SCAPER: variants seen among roughly 807,000 people sequenced by gnomAD.
SCAPER encodes S-phase cyclin A associated protein in the ER, also known as S phase cyclin A-associated protein in the endoplasmic reticulum.
In SCAPER, 98 loss-of-function variants were observed where a neutral mutation model predicts 182.2. The ratio of observed to expected loss-of-function variants is 0.54; its 90% CI spans 0.46 to 0.64. The LOEUF (loss-of-function observed/expected upper bound fraction) is 0.64, where lower values mean the gene tolerates loss of function less well. SCAPER is among the 30% of genes least tolerant of loss of function. The pLI, the probability that SCAPER is intolerant of heterozygous loss-of-function variation, is 0.00. For synonymous variants in SCAPER, 605 were observed against 564.6 expected, an observed-to-expected ratio of 1.07 and a Z score of -1.01; for missense variants, 1,432 against 1,690.0, an observed-to-expected ratio of 0.85 and a Z score of 2.68.
At chr15:76,460,434 C>A (rs1259050804) in intron 25 of SCAPER, among the ~76,000 whole-genome samples, 1 of 152,048 alleles carries the variant, frequency 6.6e-6, no homozygotes, top group African/African-American at 2.4e-5. Context: ...TGAATTCATT[C>A]ATCAGATCTA....
At chr15:76,715,218 C>T (rs931484292) in intron 17 of SCAPER, among the ~76,000 whole-genome samples, 2 of 151,724 alleles carry the variant, frequency 1.3e-5, no homozygotes, top group African/African-American at 4.8e-5. Flanking sequence ...GCACCTCACA[C>T]TTCCAGGAGC....
chr15:76,556,209 T>C (rs2046183731), intron 23 of SCAPER, among the ~76,000 whole-genome samples: 1 of 152,154 alleles, frequency 6.6e-6, no homozygotes. Context: ...GAAATGAAAT[T>C]CTTTGAAACT....
intron 17 of SCAPER, among the ~76,000 whole-genome samples, chr15:76,724,350 C>T (rs1331242263): frequency 6.6e-6 from 1 of 152,132 alleles, no homozygotes; most frequent in Non-Finnish European, 1.5e-5. Context: ...TCTCTGGCTG[C>T]CCTTAACATT....
At chr15:76,518,382 T>C (rs1434997318) in intron 23 of SCAPER, among the ~76,000 whole-genome samples, 1 of 152,202 alleles carries the variant, frequency 6.6e-6, no homozygotes, top group African/African-American at 2.4e-5. Flanking sequence ...GCAATATATA[T>C]ATTTTTTCTT....
chr15:76,405,525 C>A (rs1209510994), intron 26 of SCAPER, among the ~76,000 whole-genome samples: 1 of 152,152 alleles, frequency 6.6e-6, no homozygotes, highest in Non-Finnish European at 1.5e-5. Context: ...TGAAAAGTAC[C>A]AGTCCTGAGG....
intron 17 of SCAPER, 108 bp from the exon 18 acceptor site, chr15:76,706,092 C>CT (rs2059249476): frequency 1.4e-6 from 1 of 700,796 alleles, no homozygotes; most frequent in East Asian, 3.2e-5. Flanking sequence ...TAAAGGGCTA[C>CT]TTTTTTAAAA....
At chr15:76,540,716 T>C (rs938129412) in intron 23 of SCAPER, among the ~76,000 whole-genome samples, 3 of 151,996 alleles carry the variant, frequency 2.0e-5, no homozygotes, top group African/African-American at 7.2e-5. Flanking sequence ...TGAACATGTA[T>C]TATAGTAATA....
intron 23 of SCAPER, among the ~76,000 whole-genome samples, chr15:76,540,259 G>C (rs996926339): frequency 2.0e-5 from 3 of 151,886 alleles, no homozygotes; most frequent in Non-Finnish European, 4.4e-5. Flanking sequence ...AATATTAGAT[G>C]GGTATGGTGA....
At chr15:76,386,395 A>G (rs2043289298) in intron 27 of SCAPER, among the ~76,000 whole-genome samples, 1 of 152,198 alleles carries the variant, frequency 6.6e-6, no homozygotes, top group South Asian at 2.1e-4. Context: ...ATGGCCAACT[A>G]TGTGGCAAGC....
chr15:76,692,562 G>A lies in SCAPER; in HGVS notation c.2508+9196C>T, dbSNP rs2058419934. The stretch of plus-strand genomic sequence containing the variant: ...AACTTAGCTGAATATGGAGGTGCAT[G>A]TCTGTAATCCCAGCTACTTGGGAGG... On this transcript the variant is annotated intron_variant, in intron 20 of 31. Transcript: ENST00000563290. 2.6e-5 allele frequency among the ~76,000 whole-genome samples: 4 copies of A among 151,808 alleles called. No homozygotes were observed. The South Asian group carries it at 8.3e-4, about 31-fold the overall frequency.
intron 1 of SCAPER, among the ~76,000 whole-genome samples, chr15:76,885,964 A>G (rs1163316186): frequency 2.0e-5 from 3 of 152,240 alleles, no homozygotes; most frequent in African/African-American, 7.2e-5. Flanking sequence ...CAATAAACAT[A>G]TAAGTGCAGG....
At chr15:76,804,357 AC>A (rs1568189873) in intron 6 of SCAPER, among the ~76,000 whole-genome samples, 175 bp downstream of exon 6, 1 of 152,224 alleles carries the variant, frequency 6.6e-6, no homozygotes, top group Admixed American at 6.5e-5. Context: ...CCCAATTAAT[AC>A]CCACTGATAA....
chr15:76,523,991 G>A (rs1190295073), intron 23 of SCAPER, among the ~76,000 whole-genome samples: 7 of 152,182 alleles, frequency 4.6e-5, no homozygotes, highest in African/African-American at 1.7e-4. Flanking sequence ...AGACTCTTAT[G>A]TTAAACTATG....
In SCAPER at chr15:76,725,025, A is replaced by C. The variant is rs545954527; in HGVS notation, c.2165+3570T>G. Among the ~76,000 whole-genome samples, 3 of 151,986 alleles carry C rather than the reference A, an allele frequency of 2.0e-5. No individual in the cohort carries two copies. In the East Asian group the frequency reaches 5.8e-4, roughly 29 times the overall value. On this transcript the variant is annotated intron_variant, in intron 17 of 31. Coordinates refer to ENST00000563290, the MANE Select transcript of SCAPER (RefSeq NM_020843.4). ...ATCACCCATCTTCTGCGTTGCTCAC[A>C]CTGGGAGCTGTAGACTGGAGCTGTT...
intron 25 of SCAPER, among the ~76,000 whole-genome samples, chr15:76,458,060 T>C (rs192658290): frequency 1.4e-4 from 22 of 152,286 alleles, no homozygotes; most frequent in African/African-American, 4.8e-4. Context: ...TCCAGATTGA[T>C]GTTTGTTTCT....
chr15:76,789,616 C>A (rs1322899763), intron 8 of SCAPER, among the ~76,000 whole-genome samples: 1 of 152,084 alleles, frequency 6.6e-6, no homozygotes, highest in Non-Finnish European at 1.5e-5. Flanking sequence ...TTTTAATAAA[C>A]CTTCAGTGCA....
At chr15:76,738,824 A>C (rs557987240) in intron 15 of SCAPER, among the ~76,000 whole-genome samples, 51 of 152,338 alleles carry the variant, frequency 3.3e-4, no homozygotes, top group African/African-American at 1.2e-3. Context: ...AAAATCTAAA[A>C]TATTATGAGT....
intron 22 of SCAPER, among the ~76,000 whole-genome samples, chr15:76,594,052 C>T (rs1380869576): frequency 1.7e-5 from 2 of 118,850 alleles, no homozygotes; most frequent in Non-Finnish European, 4.1e-5. Flanking sequence ...ATGATATAAC[C>T]GAATGCAAGG....
intron 5 of SCAPER, among the ~76,000 whole-genome samples, chr15:76,805,757 C>T (rs1473177892): frequency 3.3e-5 from 5 of 151,796 alleles, no homozygotes; most frequent in African/African-American, 7.3e-5. Flanking sequence ...TTAGTAGAGA[C>T]GGGGTTTCAC....
Sources: allele counts gnomAD v4.1 joint callset (sites outside exome capture counted in the v4.1 genomes callset), GRCh38; gene constraint gnomAD v4.1.1; transcripts MANE v1.5; gene names NCBI Gene and HGNC (gene_info 2026-07-23, HGNC 2026-07-21).